FMNL2: variants seen among roughly 807,000 people sequenced by gnomAD.
FMNL2 encodes formin like 2, also known as formin-like protein 2.
FMNL2 carries 51 observed loss-of-function variants against 130.2 expected under a neutral mutation model. The observed-to-expected ratio is 0.39, with a 90% CI of 0.31 to 0.49. The LOEUF is 0.49. FMNL2 is among the 20% of genes least tolerant of loss of function. The probability of loss-of-function intolerance (pLI) is 0.85; values close to 1 mark genes in which losing one functional copy is unlikely to be tolerated. For synonymous variants in FMNL2, 465 were observed against 467.1 expected, an observed-to-expected ratio of 1.00 and a Z score of 0.06; for missense variants, 977 against 1,316.2, an observed-to-expected ratio of 0.74 and a Z score of 3.99.
chr2:152,375,996 C>T (rs927408652), intron 1 of FMNL2, among the ~76,000 whole-genome samples: 7 of 151,700 alleles, frequency 4.6e-5, no homozygotes, highest in Middle Eastern at 3.2e-3. Flanking sequence ...CAGGTTCAAG[C>T]GATTCTCGTG....
intron 25 of FMNL2, chr2:152,643,403 G>C: frequency 6.5e-7 from 1 of 1,535,860 alleles, no homozygotes; most frequent in South Asian, 1.2e-5. Context: ...TTGTTTGGCT[G>C]TCATTTTCAA....
chr2:152,597,783 T>C (rs1697844625), intron 9 of FMNL2, among the ~76,000 whole-genome samples: 1 of 152,212 alleles, frequency 6.6e-6, no homozygotes, highest in Admixed American at 6.5e-5. Flanking sequence ...CTTTAAGAAC[T>C]GGTACCCAAA....
At chr2:152,590,036 TACATATAC>T (rs1697344133) in intron 9 of FMNL2, among the ~76,000 whole-genome samples, 1 of 132,688 alleles carries the variant, frequency 7.5e-6, no homozygotes, top group East Asian at 2.3e-4. Context: ...TACATATACA[TACATATAC>T]ATATATATAT....
chr2:152,439,422 C>G (rs1687944657), intron 1 of FMNL2, among the ~76,000 whole-genome samples: 1 of 151,904 alleles, frequency 6.6e-6, no homozygotes, highest in Non-Finnish European at 1.5e-5. Flanking sequence ...TTTAATCAAG[C>G]CAGGTTTCAT....
At chr2:152,463,121 T>G (rs757364654) in intron 1 of FMNL2, among the ~76,000 whole-genome samples, 6 of 152,170 alleles carry the variant, frequency 3.9e-5, no homozygotes, top group Non-Finnish European at 7.3e-5. Context: ...AGAAGAGGAG[T>G]TATCAAACCT....
intron 1 of FMNL2, among the ~76,000 whole-genome samples, chr2:152,454,431 TA>T (rs1688838030): frequency 6.6e-6 from 1 of 151,496 alleles, no homozygotes; most frequent in East Asian, 1.9e-4. Context: ...TTGGAGACAC[TA>T]AGGTGAAAAT....
intron 1 of FMNL2, among the ~76,000 whole-genome samples, chr2:152,409,674 C>T (rs1359955132): frequency 6.6e-6 from 1 of 152,160 alleles, no homozygotes; most frequent in Non-Finnish European, 1.5e-5. Flanking sequence ...AGTAGTTATG[C>T]AGTAATCGGA....
chr2:152,390,677 A>G, intron 1 of FMNL2: 1 of 780,332 alleles, frequency 1.3e-6, no homozygotes, highest in Non-Finnish European at 2.4e-6. Flanking sequence ...CTGAGCTACA[A>G]CCATCCAACC....
intron 3 of FMNL2, among the ~76,000 whole-genome samples, chr2:152,545,797 CAA>C (rs1372165400): frequency 6.6e-6 from 1 of 152,168 alleles, no homozygotes; most frequent in Non-Finnish European, 1.5e-5. Context: ...TTTAGAAGTG[CAA>C]AGTGTTAGCA....
intron 1 of FMNL2, among the ~76,000 whole-genome samples, chr2:152,353,084 G>C (rs1009270467): frequency 1.3e-5 from 2 of 152,162 alleles, no homozygotes; most frequent in Non-Finnish European, 2.9e-5. Flanking sequence ...TTTTGCCTTT[G>C]AGTAGTTAAC....
chr2:152,358,689 ATTAG>A (rs1323657434), intron 1 of FMNL2, among the ~76,000 whole-genome samples: 6 of 152,160 alleles, frequency 3.9e-5, no homozygotes, highest in African/African-American at 7.2e-5. Flanking sequence ...CATATATCCT[ATTAG>A]TTCTGTTCCT....
intron 4 of FMNL2, among the ~76,000 whole-genome samples, chr2:152,551,818 C>T (rs1694952982): frequency 6.6e-6 from 1 of 152,148 alleles, no homozygotes; most frequent in South Asian, 2.1e-4. Context: ...GAGTTTGAGA[C>T]CAGCTTGGGT....
chr2:152,463,864 A>G (rs1045905776), intron 1 of FMNL2, among the ~76,000 whole-genome samples: 15 of 152,124 alleles, frequency 9.9e-5, no homozygotes, highest in African/African-American at 3.6e-4. Context: ...CCATTTGGAG[A>G]AAAACACTTC....
At chr2:152,435,008 C>A (rs1472416428) in intron 1 of FMNL2, among the ~76,000 whole-genome samples, 1 of 151,934 alleles carries the variant, frequency 6.6e-6, no homozygotes, top group African/African-American at 2.4e-5. Context: ...GGTTTATGGC[C>A]AAGGAGCTTT....
At chr2:152,391,966 A>G (rs910390853) in intron 1 of FMNL2, among the ~76,000 whole-genome samples, 4 of 127,816 alleles carry the variant, frequency 3.1e-5, no homozygotes, top group Non-Finnish European at 4.8e-5. Flanking sequence ...CTTAGGATCT[A>G]TTCACATCCT....
intron 1 of FMNL2, among the ~76,000 whole-genome samples, chr2:152,464,190 G>A (rs11902693): frequency 6.6e-6 from 1 of 152,028 alleles, no homozygotes; most frequent in Non-Finnish European, 1.5e-5. Context: ...GTGATCCGCC[G>A]ACCTTGGCCT....
intron 1 of FMNL2, among the ~76,000 whole-genome samples, chr2:152,504,537 G>A (rs1207306014): frequency 1.3e-5 from 2 of 151,736 alleles, no homozygotes; most frequent in East Asian, 2.0e-4. Context: ...GAGCCACCGC[G>A]CTCAGCCGCA....
At chr2:152,614,518 G>A (rs1698844373) in intron 11 of FMNL2, among the ~76,000 whole-genome samples, 1 of 152,252 alleles carries the variant, frequency 6.6e-6, no homozygotes, top group South Asian at 2.1e-4. Context: ...GCTGAGCCGG[G>A]TGGATCACGA....
chr2:152,444,947 A>G (rs1032546678), intron 1 of FMNL2, among the ~76,000 whole-genome samples: 1 of 152,334 alleles, frequency 6.6e-6, no homozygotes, highest in African/African-American at 2.4e-5. Flanking sequence ...CTCTGAGGGC[A>G]TCATACATGG....
Sources: gnomAD v4.1 joint callset for allele counts (sites outside exome capture counted in the v4.1 genomes callset) on GRCh38, gnomAD v4.1.1 for gene constraint, MANE v1.5 for transcripts, NCBI Gene and HGNC (gene_info 2026-07-23, HGNC 2026-07-21) for gene names.